The following FBXO5 variants were observed in gnomAD, a reference collection of about 807,000 sequenced individuals.
FBXO5 encodes F-box protein 5.
In FBXO5, 8 loss-of-function variants were observed where a neutral mutation model predicts 43.3. The ratio of observed to expected loss-of-function variants is 0.18; its 90% CI spans 0.11 to 0.33. The LOEUF is 0.33. Among genes scored for constraint, FBXO5 ranks in the 10% least tolerant of loss-of-function variants. The pLI, the probability that FBXO5 is intolerant of heterozygous loss-of-function variation, is 1.00. For synonymous variants in FBXO5, 204 were observed against 193.7 expected (o/e 1.05, Z -0.44); for missense variants, 491 against 535.7 (o/e 0.92, Z 0.82).
At chr6:152,974,025 T>C (rs1484449443) in intron 2 of FBXO5, 1 of 151,330 alleles carries the variant, frequency 6.6e-6, no homozygotes. Flanking sequence ...GCCTGCATAA[T>C]CACCTTAATT....
chr6:152,982,891 T>C lies in FBXO5; in HGVS notation c.69A>G (p.Ala23=), dbSNP rs1310052525. 2.6e-6 allele frequency: 4 copies of C among 1,512,834 alleles called. No homozygotes were observed. Among genetic ancestry groups the C allele is most frequent in the Non-Finnish European group, 3.5e-6 (4 of 1,137,502 alleles). 93.7% of individuals were successfully genotyped at this position (1,512,834 alleles called of 1,614,324 possible). A position where few individuals can be genotyped will look rare whatever the true frequency, so the allele number is the denominator to read the frequency against. ...PRCSCSASPS[A]VTAAGRPRPS... is the part of the protein sequence containing the mutation. The stretch of plus-strand genomic sequence containing the variant: ...GTCGAGGGCGCCCGGCGGCTGTCAC[T>C]GCGCTGGGGCTGGCGCTGCAGGAGC... Residue 23 remains alanine (A), a synonymous_variant, in exon 1 of 5, where the codon GCA becomes GCG. Transcript: ENST00000229758.
intron 2 of FBXO5, among the ~76,000 whole-genome samples, chr6:152,974,194 GAA>G (rs1778127504): frequency 1.3e-5 from 2 of 149,944 alleles, no homozygotes; most frequent in African/African-American, 2.5e-5. Flanking sequence ...TGACTGGAGT[GAA>G]ACCCTGTCTC....
chr6:152,982,760 G>A, intron 1 of FBXO5, 97 bp downstream of exon 1: 1 of 846,396 alleles, frequency 1.2e-6, no homozygotes, highest in Non-Finnish European at 1.7e-6. Context: ...GCGCGTCCAG[G>A]CTCCGAGGGA....
rs144578716 is a variant in FBXO5, at chr6:152,972,404, C to T, written c.960G>A (p.Met320Ile). 3 of 1,611,116 alleles carry T rather than the reference C, an allele frequency of 1.9e-6. No homozygotes were observed. The highest frequency in any genetic ancestry group is 2.7e-5 in the African/African-American group (2 of 74,850). Residue 320 changes from methionine to isoleucine, a missense_variant, in exon 4 of 5, where the codon ATG (methionine) becomes ATA (isoleucine). By Grantham distance (10) the Met-to-Ile change is conservative. Coordinates refer to ENST00000229758, the MANE Select transcript of FBXO5 (RefSeq NM_012177.5). ...SPHASTREYV[M>I]FRTPLASVQK... ...GAACAGAAGCCAGTGGGGTTCTGAA[C>T]ATAACATATTCTCTGGTTGAAGCAT...
Position 152,982,723 on chromosome 6 carries a change from G to C in FBXO5, c.103+134C>G. On this transcript the variant is annotated intron_variant, in intron 1 of 4. Transcript: ENST00000229758. ...CCCGGACCCAGGAACCGCTGCCGCC[G>C]CCCGAGGCCGGGCGTGTGGCATGGC... 2.0e-5 allele frequency: 11 copies of C among 562,732 alleles called. 1 individual carries two copies. The South Asian group carries it at 2.6e-4, about 13-fold the overall frequency. 34.9% of individuals were successfully genotyped at this position (562,732 alleles called of 1,614,324 possible). A position where few individuals can be genotyped will look rare whatever the true frequency, so the allele number is the denominator to read the frequency against.
At chr6:152,981,822 G>A (rs1778265137) in intron 1 of FBXO5, among the ~76,000 whole-genome samples, 1 of 151,962 alleles carries the variant, frequency 6.6e-6, no homozygotes, top group South Asian at 2.1e-4. Context: ...ATAGTACAAT[G>A]CCGAATTGCT....
chr6:152,973,861 A>T (rs1198313432), intron 2 of FBXO5: 1 of 135,454 alleles, frequency 7.4e-6, no homozygotes, highest in Non-Finnish European at 1.6e-5. Flanking sequence ...TCCCCAAAAA[A>T]AATTAAAAAA....
At chr6:152,977,169 G>C (rs1412931786) in intron 1 of FBXO5, among the ~76,000 whole-genome samples, 1 of 152,222 alleles carries the variant, frequency 6.6e-6, no homozygotes, top group Non-Finnish European at 1.5e-5. Context: ...GTTGAAGGCA[G>C]AGAGTAAGAG....
intron 1 of FBXO5, among the ~76,000 whole-genome samples, chr6:152,977,423 T>C (rs1778185752): frequency 6.6e-6 from 1 of 152,204 alleles, no homozygotes; most frequent in African/African-American, 2.4e-5. Context: ...GATACCTTCA[T>C]AGAAAGTAAC....
intron 1 of FBXO5, among the ~76,000 whole-genome samples, chr6:152,979,907 CT>C (rs921257332): frequency 1.3e-5 from 2 of 151,750 alleles, no homozygotes; most frequent in Non-Finnish European, 2.9e-5. Context: ...CTGTGGTTTC[CT>C]TTTTTTTGGA....
At chr6:152,982,306 G>C (rs1778273155) in intron 1 of FBXO5, among the ~76,000 whole-genome samples, 2 of 152,140 alleles carry the variant, frequency 1.3e-5, no homozygotes, top group Non-Finnish European at 2.9e-5. Flanking sequence ...GGAGATAACC[G>C]CGAGCGCGAT....
intron 4 of FBXO5, 70 bp downstream of exon 4, chr6:152,972,202 T>G: frequency 8.4e-7 from 1 of 1,192,290 alleles, no homozygotes; most frequent in Non-Finnish European, 1.2e-6. Flanking sequence ...ATTTTGACCT[T>G]GAAAGTTCTT....
chr6:152,981,987 C>G, intron 1 of FBXO5, among the ~76,000 whole-genome samples: 1 of 152,162 alleles, frequency 6.6e-6, no homozygotes, highest in East Asian at 1.9e-4. Flanking sequence ...CATGAGTTAT[C>G]GGGAAAAAGT....
At position 152,971,021 on chromosome 6, in the gene FBXO5, T is replaced by C; in HGVS notation, c.*142A>G. 1 of 699,198 alleles carries C rather than the reference T, an allele frequency of 1.4e-6. No individual in the cohort carries two copies. Among genetic ancestry groups the C allele is most frequent in the Non-Finnish European group, 2.2e-6 (1 of 459,918 alleles). The allele number at this position is 699,198 out of a possible 1,614,324, so 43.3% of individuals were successfully genotyped here. A position where few individuals can be genotyped will look rare whatever the true frequency, so the allele number is the denominator to read the frequency against. On this transcript the variant is annotated 3_prime_UTR_variant, in exon 5 of 5. Coordinates refer to ENST00000229758, the MANE Select transcript of FBXO5 (RefSeq NM_012177.5). ...ATTTTAAGAGGTTGTCTATCCTCTT[T>C]ATCTTCTGGGGGGAAAAAAACCTCA...
chr6:152,980,636 T>C (rs1205698189), intron 1 of FBXO5, among the ~76,000 whole-genome samples: 1 of 151,744 alleles, frequency 6.6e-6, no homozygotes, highest in African/African-American at 2.4e-5. Flanking sequence ...AGAAGTAGAG[T>C]GTGGGAAACC....
intron 2 of FBXO5, chr6:152,973,391 T>C: frequency 5.2e-6 from 2 of 381,916 alleles, no homozygotes; most frequent in East Asian, 4.3e-5. Context: ...TTGTACAGTA[T>C]TTTTTCACAA....
In FBXO5 at chr6:152,971,380, T is replaced by C. The variant is rs750369904; in HGVS notation, c.1127A>G (p.Lys376Arg). The C allele has an allele frequency of 1.9e-6, 3 of 1,609,814 alleles. No individual in the cohort carries two copies. The African/African-American group carries it at 4.0e-5, about 22-fold the overall frequency. ...AKTLKKNESLKACIRCNSPAK... is the reference protein window; with the variant it reads ...AKTLKKNESLRACIRCNSPAK... ...AGGTGAATTACAGCGAATACAGGCT[T>C]TGAGGCTTTCGTTCTTTTTCAATGT... The change falls in exon 5 of 5, where the codon AAA becomes AGA. Residue 376 changes from lysine (K) to arginine (R), a missense_variant. By Grantham distance (26) the Lys-to-Arg change is conservative. Coordinates refer to ENST00000229758, the MANE Select transcript of FBXO5 (RefSeq NM_012177.5).
intron 1 of FBXO5, among the ~76,000 whole-genome samples, chr6:152,981,013 T>G (rs768110379): frequency 6.6e-6 from 1 of 152,232 alleles, no homozygotes; most frequent in Non-Finnish European, 1.5e-5. Flanking sequence ...CATTAACATT[T>G]GAAAGTAGTA....
chr6:152,975,087 G>A lies in FBXO5; in HGVS notation c.638C>T (p.Pro213Leu), dbSNP rs1400218712. ...CTTCAGCATCTCCCGATCTACTTTA[G>A]GATTTCGTTTTGCATTCTTTTTTAA... ...STLKKNAKRN[P>L]KVDREMLKEI... The change falls in exon 2 of 5, where the codon CCT becomes CTT. Residue 213 changes from proline (P) to leucine (L), a missense_variant. By Grantham distance (98) the Pro-to-Leu change is moderately conservative. Transcript: ENST00000229758. 6.2e-7 allele frequency: 1 copy of A among 1,614,094 alleles called. No individual in the cohort carries two copies. Among genetic ancestry groups the A allele is most frequent in the South Asian group, 1.1e-5 (1 of 91,080 alleles).
Sources: gnomAD v4.1 joint callset for allele counts (sites outside exome capture counted in the v4.1 genomes callset) on GRCh38, gnomAD v4.1.1 for gene constraint, MANE v1.5 for transcripts, NCBI Gene and HGNC (gene_info 2026-07-23, HGNC 2026-07-21) for gene names.